BRINP3: variants seen among roughly 807,000 people sequenced by gnomAD.
BRINP3 encodes BMP/retinoic acid inducible neural specific 3, also known as BMP/retinoic acid-inducible neural-specific protein 3.
Under a neutral mutation model 71.0 loss-of-function variants are expected in BRINP3, and 19 were observed. The ratio of observed to expected loss-of-function variants is 0.27; its 90% CI spans 0.19 to 0.39. The LOEUF (loss-of-function observed/expected upper bound fraction) is 0.39. Ranked by LOEUF, BRINP3 falls within the 10% of genes least tolerant of loss-of-function variation. BRINP3 has a pLI of 1.00. For missense variants in BRINP3, 959 were observed against 940.8 expected (o/e 1.02, Z -0.25); for synonymous variants, 380 against 337.7 (o/e 1.13, Z -1.37).
At chr1:190,335,217 A>C (rs1667211625) in intron 2 of BRINP3, among the ~76,000 whole-genome samples, 1 of 151,954 alleles carries the variant, frequency 6.6e-6, no homozygotes, top group East Asian at 1.9e-4. Flanking sequence ...TAGAAGCAGA[A>C]ATCAACAGCA....
chr1:190,448,072 T>A (rs1675347519), intron 2 of BRINP3, among the ~76,000 whole-genome samples: 2 of 151,748 alleles, frequency 1.3e-5, no homozygotes, highest in African/African-American at 4.8e-5. Context: ...TTTATGTGTT[T>A]TGTTTTACTT....
chr1:190,367,744 A>T (rs1484309780), intron 2 of BRINP3, among the ~76,000 whole-genome samples: 1 of 152,164 alleles, frequency 6.6e-6, no homozygotes, highest in Non-Finnish European at 1.5e-5. Flanking sequence ...GCAAAATGCC[A>T]CCAGTCTCTT....
intron 7 of BRINP3, among the ~76,000 whole-genome samples, chr1:190,130,494 G>A (rs1259435350): frequency 6.6e-6 from 1 of 151,928 alleles, no homozygotes; most frequent in Admixed American, 6.6e-5. Flanking sequence ...TGAAGGTCCT[G>A]GGCAGAACAA....
At chr1:190,435,376 A>G (rs1184301933) in intron 2 of BRINP3, among the ~76,000 whole-genome samples, 1 of 152,016 alleles carries the variant, frequency 6.6e-6, no homozygotes, top group Non-Finnish European at 1.5e-5. Flanking sequence ...TTCAGATTAC[A>G]TTACTGAACT....
intron 4 of BRINP3, among the ~76,000 whole-genome samples, chr1:190,254,403 G>A (rs1017407605): frequency 3.3e-5 from 5 of 151,840 alleles, no homozygotes; most frequent in Non-Finnish European, 4.4e-5. Flanking sequence ...TCCTATCCAT[G>A]AGCATGGAAT....
At chr1:190,276,407 T>C (rs1033216966) in intron 3 of BRINP3, among the ~76,000 whole-genome samples, 3 of 151,694 alleles carry the variant, frequency 2.0e-5, no homozygotes, top group African/African-American at 7.2e-5. Flanking sequence ...ATTCACATAG[T>C]GAAAAGTGAG....
chr1:190,150,197 T>C (rs531926770), intron 7 of BRINP3, among the ~76,000 whole-genome samples: 26 of 152,240 alleles, frequency 1.7e-4, no homozygotes, highest in African/African-American at 6.3e-4. Flanking sequence ...TTCAGTCATA[T>C]GCCATTTTAA....
At chr1:190,110,661 T>A (rs1057400769) in intron 7 of BRINP3, among the ~76,000 whole-genome samples, 3 of 152,148 alleles carry the variant, frequency 2.0e-5, no homozygotes, top group Non-Finnish European at 4.4e-5. Flanking sequence ...TGAATCAGGA[T>A]ATCTCAGGCC....
chr1:190,169,176 C>T (rs532127981), intron 6 of BRINP3, among the ~76,000 whole-genome samples: 5 of 152,182 alleles, frequency 3.3e-5, no homozygotes, highest in African/African-American at 1.2e-4. Flanking sequence ...TGAAAATAAA[C>T]GTTATTTATA....
chr1:190,377,140 T>C (rs898333774), intron 2 of BRINP3, among the ~76,000 whole-genome samples: 3 of 152,014 alleles, frequency 2.0e-5, no homozygotes, highest in Non-Finnish European at 4.4e-5. Flanking sequence ...TATTATAAAG[T>C]GCACCTCTAA....
At chr1:190,302,654 T>C (rs1435433423) in intron 2 of BRINP3, 1 of 151,896 alleles carries the variant, frequency 6.6e-6, no homozygotes, top group Admixed American at 6.6e-5. Flanking sequence ...ACATGCACCA[T>C]GGCTTACTTG....
At chr1:190,410,921 A>T (rs774086795) in intron 2 of BRINP3, among the ~76,000 whole-genome samples, 1 of 152,170 alleles carries the variant, frequency 6.6e-6, no homozygotes, top group Non-Finnish European at 1.5e-5. Flanking sequence ...TGCAATTCCA[A>T]TTAAAATCCC....
At chr1:190,265,655 A>G (rs1661596985) in intron 3 of BRINP3, among the ~76,000 whole-genome samples, 1 of 151,140 alleles carries the variant, frequency 6.6e-6, no homozygotes. Flanking sequence ...CGGAGCTTGC[A>G]GTGAGCGGAG....
intron 6 of BRINP3, among the ~76,000 whole-genome samples, chr1:190,163,727 A>C (rs1242240676): frequency 6.6e-6 from 1 of 152,080 alleles, no homozygotes; most frequent in Non-Finnish European, 1.5e-5. Flanking sequence ...AACTCTCTGG[A>C]CTACTACTAC....
chr1:190,320,591 C>A (rs1218381289), intron 2 of BRINP3, among the ~76,000 whole-genome samples: 1 of 151,774 alleles, frequency 6.6e-6, no homozygotes, highest in East Asian at 1.9e-4. Flanking sequence ...GGCCAGAGAC[C>A]ATCACAACAG....
chr1:190,113,995 T>C (rs1652909789), intron 7 of BRINP3, among the ~76,000 whole-genome samples: 2 of 152,190 alleles, frequency 1.3e-5, no homozygotes, highest in African/African-American at 2.4e-5. Context: ...ACTTAGATTA[T>C]ACCAGTGATA....
chr1:190,413,582 T>C (rs2102420713), intron 2 of BRINP3, among the ~76,000 whole-genome samples: 1 of 152,294 alleles, frequency 6.6e-6, no homozygotes, highest in South Asian at 2.1e-4. Context: ...CCACCATCCA[T>C]GTAATGCTAG....
chr1:190,237,343 A>G (rs1658620462), intron 4 of BRINP3, among the ~76,000 whole-genome samples: 1 of 151,682 alleles, frequency 6.6e-6, no homozygotes, highest in Non-Finnish European at 1.5e-5. Flanking sequence ...TTCCTTACTA[A>G]TGTCAGCATT....
chr1:190,155,318 C>G (rs1656771769), intron 7 of BRINP3, among the ~76,000 whole-genome samples: 2 of 151,970 alleles, frequency 1.3e-5, no homozygotes, highest in African/African-American at 2.4e-5. Flanking sequence ...CTTGCTGCAG[C>G]CTGTGTGTCC....
Sources: gnomAD v4.1 joint callset for allele counts (sites outside exome capture counted in the v4.1 genomes callset) on GRCh38, gnomAD v4.1.1 for gene constraint, MANE v1.5 for transcripts, NCBI Gene and HGNC (gene_info 2026-07-23, HGNC 2026-07-21) for gene names.